The following PBX2 variants were observed in gnomAD, a reference collection of about 807,000 sequenced individuals.
PBX2 encodes the protein pre-B-cell leukemia transcription factor 2.
Under a neutral mutation model 46.5 loss-of-function variants are expected in PBX2, and 10 were observed. The ratio of observed to expected loss-of-function variants is 0.21; its 90% CI spans 0.13 to 0.36. The LOEUF is 0.36. Among genes scored for constraint, PBX2 ranks in the 10% least tolerant of loss-of-function variants. The pLI, the probability that PBX2 is intolerant of heterozygous loss-of-function variation, is 1.00. For synonymous variants in PBX2, 160 were observed against 222.5 expected (o/e 0.72, Z 2.50); for missense variants, 392 against 580.5 (o/e 0.68, Z 3.34).
In PBX2 at chr6:32,190,184, G is replaced by A. The variant is rs1787385580; in HGVS notation, c.-269C>T. ...GGCCCAAGCGGGGGTGTGTGTGAGA[G>A]AGAGGGAGGAGGGAGGAGGGAGAAG... is the stretch of plus-strand genomic sequence containing the variant. On this transcript the variant is annotated 5_prime_UTR_variant, in exon 1 of 9. Coordinates refer to ENST00000375050, the MANE Select transcript of PBX2 (RefSeq NM_002586.5). 6.7e-6 allele frequency: 2 copies of A among 298,420 alleles called. No homozygotes were observed. Among genetic ancestry groups the A allele is most frequent in the Non-Finnish European group, 1.2e-5 (2 of 161,448 alleles). 18.5% of individuals were successfully genotyped at this position (298,420 alleles called of 1,614,324 possible).
At position 32,185,652 on chromosome 6, in the gene PBX2, AACAAC is replaced by A. The variant is rs1196147512; in HGVS notation, c.*725_*729del. The A allele has an allele frequency of 2.0e-5, 3 of 151,092 alleles. No homozygotes were observed. Among genetic ancestry groups the A allele is most frequent in the African/African-American group, 7.4e-5 (3 of 40,424 alleles). 9.4% of individuals were successfully genotyped at this position (151,092 alleles called of 1,614,324 possible). A position where few individuals can be genotyped will look rare whatever the true frequency, so the allele number is the denominator to read the frequency against. On this transcript the variant is annotated 3_prime_UTR_variant, in exon 9 of 9. Transcript: ENST00000375050. ...CACCAACAACAACAAAAACAACAAC[AACAAC>A]AAAAAAAACAGATGGATCCCAGGGT...
rs576092069 is a variant in PBX2 at position 32,186,142 on chromosome 6, C to G, written c.*240G>C. ...GTATGTTTCTGTGTAAGAAAGAAAG[C>G]GAGAGAGGAAAAAGATGGAAAAAAG... On this transcript the variant is annotated 3_prime_UTR_variant, in exon 9 of 9. Coordinates refer to ENST00000375050, the MANE Select transcript of PBX2 (RefSeq NM_002586.5). This position sits in a 1 kb window ranked among gnomAD's most constrained non-coding sequence, Gnocchi z 4.2. The G allele has an allele frequency of 8.9e-6, 5 of 564,906 alleles. No individual in the cohort carries two copies. The highest frequency in any genetic ancestry group is 1.6e-5 in the Non-Finnish European group (5 of 315,952). The allele number at this position is 564,906 out of a possible 1,614,324, so 35.0% of individuals were successfully genotyped here. A position where few individuals can be genotyped will look rare whatever the true frequency, so the allele number is the denominator to read the frequency against.
Position 32,185,937 on chromosome 6 carries a change from G to A in PBX2, c.*445C>T. On this transcript the variant is annotated 3_prime_UTR_variant, in exon 9 of 9. Transcript: ENST00000375050. ...CCCCATTTTTGGCATCTCTGATTGG[G>A]CAGGGCTGGCGTCTCCACAGATTCC... 5.9e-6 allele frequency: 1 copy of A among 169,828 alleles called. No individual in the cohort carries two copies. The highest frequency in any genetic ancestry group is 1.3e-5 in the Non-Finnish European group (1 of 78,352). 10.5% of individuals were successfully genotyped at this position (169,828 alleles called of 1,614,324 possible).
Position 32,186,889 on chromosome 6 carries a change from G to A in PBX2, c.1037C>T (p.Ser346Phe), listed in dbSNP as rs1427009011. 1 of 1,613,576 alleles carries A rather than the reference G, an allele frequency of 6.2e-7. No individual in the cohort carries two copies. Among genetic ancestry groups the A allele is most frequent in the Non-Finnish European group, 8.5e-7 (1 of 1,179,960 alleles). Residue 346 changes from serine to phenylalanine, a missense_variant, in exon 7 of 9, where the codon TCT (serine) becomes TTT (phenylalanine). Ser to Phe is a radical substitution (Grantham distance 155). This residue lies in a region of PBX2 where 116 missense variants were observed against 157.9 expected (regional missense o/e 0.73). Transcript: ENST00000375050. The surrounding 1 kb of genome is among the most constrained non-coding windows in gnomAD (Gnocchi z 4.2). ...GTCTCCAGATCCTGAGAGATTGAAA[G>A]AGCCGCCAGAGCCTTGTGGGGGCAG... ...TPPSSAGSGG[S>F]FNLSGSGDMF...
chr6:32,189,683 G>T lies in PBX2; in HGVS notation c.221+12C>A. 2.5e-6 allele frequency: 4 copies of T among 1,594,978 alleles called. No individual in the cohort carries two copies. The highest frequency in any genetic ancestry group is 3.4e-6 in the Non-Finnish European group (4 of 1,166,326). ...CTGGGTCTGTGTGGGGTCCCGGAGT[G>T]GGGGCACTCACTTGGCCTGGGCCTC... On this transcript the variant is annotated intron_variant, in intron 1 of 8. Coordinates refer to ENST00000375050, the MANE Select transcript of PBX2 (RefSeq NM_002586.5). The surrounding 1 kb of genome is among the most constrained non-coding windows in gnomAD (Gnocchi z 4.7).
rs1394988076 is a variant in PBX2, at chr6:32,185,490, C to G, written c.*892G>C. Reference sequence around the variant, plus strand: ...TTGTCCCCCTTTCTCTTACCAGAACCCCTTTGGCTATCACCCCTAATATGG... The same window carrying G: ...TTGTCCCCCTTTCTCTTACCAGAACGCCTTTGGCTATCACCCCTAATATGG... On this transcript the variant is annotated 3_prime_UTR_variant, in exon 9 of 9. Coordinates refer to ENST00000375050, the MANE Select transcript of PBX2 (RefSeq NM_002586.5). The G allele has an allele frequency of 6.6e-6, 1 of 150,630 alleles. No individual in the cohort carries two copies. Among genetic ancestry groups the G allele is most frequent in the Non-Finnish European group, 1.5e-5 (1 of 67,830 alleles). The allele number at this position is 150,630 out of a possible 1,614,324, so 9.3% of individuals were successfully genotyped here. A position where few individuals can be genotyped will look rare whatever the true frequency, so the allele number is the denominator to read the frequency against.
At position 32,186,723 on chromosome 6, in the gene PBX2, G is replaced by A. The variant is rs754685266; in HGVS notation, c.1114-33C>T. The A allele has an allele frequency of 6.2e-6, 10 of 1,600,552 alleles. No individual in the cohort carries two copies. Among genetic ancestry groups the A allele is most frequent in the South Asian group, 3.3e-5 (3 of 90,800 alleles). On this transcript the variant is annotated intron_variant, in intron 7 of 8. Coordinates refer to ENST00000375050, the MANE Select transcript of PBX2 (RefSeq NM_002586.5). This position sits in a 1 kb window ranked among gnomAD's most constrained non-coding sequence, Gnocchi z 4.2. The stretch of plus-strand genomic sequence containing the variant: ...CAGCAGAGGAAGGTATGACAGTGAA[G>A]AGAAGCCTCAGAGGAAAGAGGTCTT...
At position 32,187,718 on chromosome 6, in the gene PBX2, G is replaced by A. The variant is rs1286196305; in HGVS notation, c.799C>T (p.Leu267=). 19 of 1,611,080 alleles carry A rather than the reference G, an allele frequency of 1.2e-5. No homozygotes were observed. The highest frequency in any genetic ancestry group is 1.5e-5 in the Non-Finnish European group (18 of 1,179,172). ...EVLNEYFYSH[L]SNPYPSEEAK... is the part of the protein sequence containing the mutation. ...TCCTCACTAGGATATGGGTTACTCA[G>A]GTGGGAGTAGAAATACTCATTTAGG... The change falls in exon 5 of 9, where the codon CTG becomes TTG. Residue 267 remains leucine, a synonymous_variant. Transcript: ENST00000375050. The surrounding 1 kb of genome is among the most constrained non-coding windows in gnomAD (Gnocchi z 7.7).
Position 32,186,772 on chromosome 6 carries a change from A to G in PBX2, c.1113+41T>C. 6.2e-7 allele frequency: 1 copy of G among 1,600,312 alleles called. No individual in the cohort carries two copies. Among genetic ancestry groups the G allele is most frequent in the Non-Finnish European group, 8.6e-7 (1 of 1,167,474 alleles). On this transcript the variant is annotated intron_variant, in intron 7 of 8. Coordinates refer to ENST00000375050, the MANE Select transcript of PBX2 (RefSeq NM_002586.5). The surrounding 1 kb of genome is among the most constrained non-coding windows in gnomAD (Gnocchi z 4.2). ...TTGTATCCTAAAGTAGAGGAAATGGAGTTGGGGAAAGCCCTATTCGAGAGG... is the reference window on the plus strand; with the variant it reads ...TTGTATCCTAAAGTAGAGGAAATGGGGTTGGGGAAAGCCCTATTCGAGAGG...
chr6:32,186,969 A>T lies in PBX2; in HGVS notation c.1025-68T>A. ...GGTAGAGGATGAACCACAACTCTCAACTCTTGTGGGGACATGCTACTATAC... is the reference window on the plus strand; with the variant it reads ...GGTAGAGGATGAACCACAACTCTCATCTCTTGTGGGGACATGCTACTATAC... On this transcript the variant is annotated intron_variant, in intron 6 of 8. Coordinates refer to ENST00000375050, the MANE Select transcript of PBX2 (RefSeq NM_002586.5). The surrounding 1 kb of genome is among the most constrained non-coding windows in gnomAD (Gnocchi z 4.2). 1.5e-6 allele frequency: 2 copies of T among 1,353,716 alleles called. No individual in the cohort carries two copies. Among genetic ancestry groups the T allele is most frequent in the Non-Finnish European group, 2.1e-6 (2 of 947,306 alleles). 83.9% of individuals were successfully genotyped at this position (1,353,716 alleles called of 1,614,324 possible). A position where few individuals can be genotyped will look rare whatever the true frequency, so the allele number is the denominator to read the frequency against.
chr6:32,187,565 T>C lies in PBX2; in HGVS notation c.870+82A>G. 6.5e-7 allele frequency: 1 copy of C among 1,530,658 alleles called. No homozygotes were observed. 94.8% of individuals were successfully genotyped at this position (1,530,658 alleles called of 1,614,324 possible). Reference sequence around the variant, plus strand: ...CTCCCACTTCAGCCTCCCTAGTAGCTGGGATTACAGGAACACACCACTGCA... The same window carrying C: ...CTCCCACTTCAGCCTCCCTAGTAGCCGGGATTACAGGAACACACCACTGCA... On this transcript the variant is annotated intron_variant, in intron 5 of 8. Transcript: ENST00000375050. The surrounding 1 kb of genome is among the most constrained non-coding windows in gnomAD (Gnocchi z 7.7).
At position 32,187,668 on chromosome 6, in the gene PBX2, C is replaced by G; in HGVS notation, c.849G>C (p.Lys283Asn). The stretch of plus-strand genomic sequence containing the variant: ...ATACCTGAGACACGGTGATGCCACA[C>G]TTCTTGGCAAGCTCCTCCTTGGCCT... ...SEEAKEELAKKCGITVSQVSN... is the reference protein window; with the variant it reads ...SEEAKEELAKNCGITVSQVSN... Residue 283 changes from lysine (K) to asparagine (N), a missense_variant, in exon 5 of 9, where the codon AAG (lysine) becomes AAC (asparagine). Around this residue, in one of 3 missense-constraint regions of PBX2, gnomAD observed 80 missense variants for 175.7 expected, o/e 0.46. Transcript: ENST00000375050. This position sits in a 1 kb window ranked among gnomAD's most constrained non-coding sequence, Gnocchi z 7.7. The G allele has an allele frequency of 6.3e-7, 1 of 1,599,462 alleles. No individual in the cohort carries two copies. The highest frequency in any genetic ancestry group is 8.5e-7 in the Non-Finnish European group (1 of 1,173,166).
At position 32,187,058 on chromosome 6, in the gene PBX2, TG is replaced by T; in HGVS notation, c.1025-158del. 1 of 1,028,740 alleles carries T rather than the reference TG, an allele frequency of 9.7e-7. No homozygotes were observed. Among genetic ancestry groups the T allele is most frequent in the Non-Finnish European group, 1.4e-6 (1 of 699,256 alleles). The allele number at this position is 1,028,740 out of a possible 1,614,324, so 63.7% of individuals were successfully genotyped here. A position where few individuals can be genotyped will look rare whatever the true frequency, so the allele number is the denominator to read the frequency against. ...GAGCAGGCTGTTCCTTGGCCACCCG[TG>T]GGAAGAAAGGCAGAACTAAGATCAC... On this transcript the variant is annotated intron_variant, in intron 6 of 8. Coordinates refer to ENST00000375050, the MANE Select transcript of PBX2 (RefSeq NM_002586.5). The surrounding 1 kb of genome is among the most constrained non-coding windows in gnomAD (Gnocchi z 7.7).
rs201396941 is a variant in PBX2 at position 32,185,642 on chromosome 6, AAACAAC to A, written c.*734_*739del. The A allele has an allele frequency of 2.0e-5, 3 of 151,252 alleles. No individual in the cohort carries two copies. The highest frequency in any genetic ancestry group is 7.4e-5 in the African/African-American group (3 of 40,646). 9.4% of individuals were successfully genotyped at this position (151,252 alleles called of 1,614,324 possible). A position where few individuals can be genotyped will look rare whatever the true frequency, so the allele number is the denominator to read the frequency against. On this transcript the variant is annotated 3_prime_UTR_variant, in exon 9 of 9. Transcript: ENST00000375050. ...CCACCACCACCACCAACAACAACAA[AAACAAC>A]AACAACAACAAAAAAAACAGATGGA...
Position 32,189,146 on chromosome 6 carries a change from G to A in PBX2, c.222-350C>T, listed in dbSNP as rs1327671333. ...GAGAGACAGAGGCTGGGGTTGAGAA[G>A]AGTCAGAGTTTGAGGTGGCAGAGTG... is the stretch of plus-strand genomic sequence containing the variant. On this transcript the variant is annotated intron_variant, in intron 1 of 8. Coordinates refer to ENST00000375050, the MANE Select transcript of PBX2 (RefSeq NM_002586.5). This position sits in a 1 kb window ranked among gnomAD's most constrained non-coding sequence, Gnocchi z 4.7. 3 of 412,650 alleles carry A rather than the reference G, an allele frequency of 7.3e-6. No homozygotes were observed. Among genetic ancestry groups the A allele is most frequent in the East Asian group, 8.6e-5 (2 of 23,360 alleles). The allele number at this position is 412,650 out of a possible 1,614,324, so 25.6% of individuals were successfully genotyped here. A position where few individuals can be genotyped will look rare whatever the true frequency, so the allele number is the denominator to read the frequency against.
Position 32,187,347 on chromosome 6 carries a change from C to T in PBX2, c.919G>A (p.Gly307Arg), listed in dbSNP as rs1459332255. Residue 307 changes from glycine to arginine, a missense_variant, in exon 6 of 9, where the codon GGA (glycine) becomes AGA (arginine). Coordinates refer to ENST00000375050, the MANE Select transcript of PBX2 (RefSeq NM_002586.5). The surrounding 1 kb of genome is among the most constrained non-coding windows in gnomAD (Gnocchi z 7.7). ...ATGTTTGCCTCCTCTTGGAACTTTCCGATGTTTTTCTTATAGCGAATCCTC... is the reference window on the plus strand; with the variant it reads ...ATGTTTGCCTCCTCTTGGAACTTTCTGATGTTTTTCTTATAGCGAATCCTC... ...NKRIRYKKNI[G>R]KFQEEANIYA... 7 of 1,612,904 alleles carry T rather than the reference C, an allele frequency of 4.3e-6. No individual in the cohort carries two copies. The highest frequency in any genetic ancestry group is 4.5e-5 in the East Asian group (2 of 44,902).
rs748392602 is a variant in PBX2 at position 32,187,205 on chromosome 6, G to A, written c.1024+37C>T. ...GGAAGTGGGAACAAAAGCAGGAAGT[G>A]TGCAAAACAGTCAGCCGGGGTGACA... On this transcript the variant is annotated intron_variant, in intron 6 of 8. Coordinates refer to ENST00000375050, the MANE Select transcript of PBX2 (RefSeq NM_002586.5). This position sits in a 1 kb window ranked among gnomAD's most constrained non-coding sequence, Gnocchi z 7.7. The A allele has an allele frequency of 3.1e-6, 5 of 1,610,974 alleles. No individual in the cohort carries two copies. In the Admixed American group the frequency reaches 6.7e-5, roughly 21 times the overall value.
rs1399672846 is a variant in PBX2 at position 32,188,484 on chromosome 6, G to C, written c.316C>G (p.Gln106Glu). Residue 106 changes from glutamine to glutamate, a missense_variant, in exon 3 of 9, where the codon CAG (glutamine) becomes GAG (glutamate). By Grantham distance (29) the Gln-to-Glu change is conservative. Coordinates refer to ENST00000375050, the MANE Select transcript of PBX2 (RefSeq NM_002586.5). The surrounding 1 kb of genome is among the most constrained non-coding windows in gnomAD (Gnocchi z 6.5). Reference sequence around the variant, plus strand: ...TGTGGGTCCACCGGCTCCTCCTCCTGGGAGCTCCGAATGCTGAGGCCTAGC... The same window carrying C: ...TGTGGGTCCACCGGCTCCTCCTCCTCGGAGCTCCGAATGCTGAGGCCTAGC... ...EKTGLSIRSS[Q>E]EEEPVDPQLM... 3.1e-6 allele frequency: 5 copies of C among 1,613,662 alleles called. No homozygotes were observed. The highest frequency in any genetic ancestry group is 3.4e-6 in the Non-Finnish European group (4 of 1,179,954).
In PBX2 at chr6:32,185,597, T is replaced by A. The variant is rs1382663164; in HGVS notation, c.*785A>T. The A allele has an allele frequency of 1.4e-5, 2 of 144,356 alleles. No individual in the cohort carries two copies. 8.9% of individuals were successfully genotyped at this position (144,356 alleles called of 1,614,324 possible). A position where few individuals can be genotyped will look rare whatever the true frequency, so the allele number is the denominator to read the frequency against. On this transcript the variant is annotated 3_prime_UTR_variant, in exon 9 of 9. Transcript: ENST00000375050. ...AAACAAGCTACTTCCCCAAACTAAA[T>A]TAAAAATTAAGAACCACCACCACCA...
Sources: allele counts gnomAD v4.1 joint callset, GRCh38; gene constraint gnomAD v4.1.1; regional missense constraint gnomAD v4.1.1; non-coding constraint Gnocchi (gnomAD v3.1); transcripts MANE v1.5; gene names NCBI Gene and HGNC (gene_info 2026-07-23, HGNC 2026-07-21).